EML5: variants seen among roughly 807,000 people sequenced by gnomAD.
EML5 encodes EMAP like 5.
EML5 carries 120 observed loss-of-function variants against 250.0 expected under a neutral mutation model. The ratio of observed to expected loss-of-function variants is 0.48; its 90% confidence interval spans 0.41 to 0.56. EML5 has a LOEUF of 0.56. EML5 is among the 20% of genes least tolerant of loss of function. The pLI is 0.00. For missense variants in EML5, 2,006 were observed against 2,437.6 expected, an observed-to-expected ratio of 0.82 and a Z score of 3.73; for synonymous variants, 771 against 806.5, an observed-to-expected ratio of 0.96 and a Z score of 0.75.
intron 21 of EML5, among the ~76,000 whole-genome samples, chr14:88,676,540 C>T (rs769858623): frequency 2.0e-5 from 3 of 152,152 alleles, no homozygotes; most frequent in Non-Finnish European, 4.4e-5. Flanking sequence ...GGGACACAGC[C>T]AAACTATATC....
rs1320931474 is a variant in EML5 at position 88,792,202 on chromosome 14, G to C, written c.197+105C>G. ...AGAGACAGCTGCGGATTCCCCTCGG[G>C]GTGATGCTCCGTGCAGGAGCGGTCA... On this transcript the variant is annotated intron_variant, in intron 1 of 43. Transcript: ENST00000554922. The surrounding 1 kb of genome is among the most constrained non-coding windows in gnomAD (Gnocchi z 6.9). The C allele has an allele frequency of 7.4e-7, 1 of 1,357,318 alleles. No homozygotes were observed. The highest frequency in any genetic ancestry group is 9.9e-7 in the Non-Finnish European group (1 of 1,006,398). The allele number at this position is 1,357,318 out of a possible 1,614,324, so 84.1% of individuals were successfully genotyped here. A position where few individuals can be genotyped will look rare whatever the true frequency, so the allele number is the denominator to read the frequency against.
intron 14 of EML5, among the ~76,000 whole-genome samples, chr14:88,702,100 A>T (rs2093223828): frequency 6.6e-6 from 1 of 152,134 alleles, no homozygotes; most frequent in Non-Finnish European, 1.5e-5. Context: ...TTGTTAAATA[A>T]TTTACATTTG....
At chr14:88,618,607 G>A (rs760102782) in intron 40 of EML5, 43 bp downstream of exon 40, 4 of 1,572,022 alleles carry the variant, frequency 2.5e-6, no homozygotes, top group Non-Finnish European at 3.4e-6. Flanking sequence ...AAATGTAAAA[G>A]CAGAAGAACT....
At chr14:88,684,785 A>T (rs1163088128) in intron 20 of EML5, among the ~76,000 whole-genome samples, 1 of 151,920 alleles carries the variant, frequency 6.6e-6, no homozygotes, top group East Asian at 1.9e-4. Flanking sequence ...CCAAATTAAA[A>T]TTTTTTCTGT....
At chr14:88,621,074 G>A in intron 38 of EML5, 39 bp downstream of exon 38, 1 of 1,567,924 alleles carries the variant, frequency 6.4e-7, no homozygotes, top group Non-Finnish European at 8.6e-7. Context: ...TTTCTTTTTA[G>A]AAGTTGTAAC....
intron 17 of EML5, among the ~76,000 whole-genome samples, chr14:88,689,547 ATTCC>A (rs200722411): frequency 9.9e-5 from 15 of 151,998 alleles, no homozygotes; most frequent in South Asian, 4.2e-4. Flanking sequence ...GGACTCACAA[ATTCC>A]TTCCTTCCTT....
chr14:88,695,745 TAAA>T (rs1206225873), intron 15 of EML5, among the ~76,000 whole-genome samples: 1 of 151,842 alleles, frequency 6.6e-6, no homozygotes, highest in African/African-American at 2.4e-5. Context: ...AAAAGAGATT[TAAA>T]AAATAGAAGG....
chr14:88,789,056 G>T (rs1277482712), intron 1 of EML5, among the ~76,000 whole-genome samples: 1 of 151,528 alleles, frequency 6.6e-6, no homozygotes. Context: ...CAGAGCAAGG[G>T]CCTGTCTCAG....
At chr14:88,768,783 T>C (rs1000812622) in intron 1 of EML5, among the ~76,000 whole-genome samples, 1 of 152,232 alleles carries the variant, frequency 6.6e-6, no homozygotes, top group Non-Finnish European at 1.5e-5. Flanking sequence ...AAGGAAGTTA[T>C]CTTTTCTATT....
chr14:88,759,698 A>AAAAAAAAAAAAC (rs758968634), intron 1 of EML5, among the ~76,000 whole-genome samples: 69 of 142,190 alleles, frequency 4.9e-4, no homozygotes, highest in African/African-American at 7.8e-4. Flanking sequence ...AAAAAAAAAA[A>AAAAAAAAAAAAC]AAAAAACTGG....
chr14:88,662,482 C>T (rs546887239), intron 24 of EML5, among the ~76,000 whole-genome samples: 47 of 150,036 alleles, frequency 3.1e-4, no homozygotes, highest in African/African-American at 1.1e-3. Context: ...TGCTATTTCA[C>T]GCTTCTTGTC....
At chr14:88,694,066 C>T (rs538889684) in intron 17 of EML5, among the ~76,000 whole-genome samples, 28 of 151,878 alleles carry the variant, frequency 1.8e-4, no homozygotes, top group African/African-American at 6.3e-4. Context: ...AGTCACTGTG[C>T]CCAGCCAATG....
chr14:88,628,233 G>A (rs1033419386), intron 33 of EML5, among the ~76,000 whole-genome samples: 2 of 152,086 alleles, frequency 1.3e-5, no homozygotes, highest in Non-Finnish European at 1.5e-5. Flanking sequence ...GATGTTATCT[G>A]AAAGAGAAGT....
intron 8 of EML5, among the ~76,000 whole-genome samples, chr14:88,725,414 A>G (rs1273887079): frequency 2.0e-5 from 3 of 152,332 alleles, no homozygotes; most frequent in Admixed American, 6.5e-5. Flanking sequence ...AACATAATGT[A>G]TCTGTTCATA....
chr14:88,792,331 C>G lies in EML5; in HGVS notation c.173G>C (p.Arg58Pro). Residue 58 changes from arginine to proline, a missense_variant, in exon 1 of 44, where the codon CGG (arginine) becomes CCG (proline). Arg to Pro is a moderately radical substitution (Grantham distance 103, BLOSUM62 -2). Transcript: ENST00000554922. This position sits in a 1 kb window ranked among gnomAD's most constrained non-coding sequence, Gnocchi z 6.9. ...SPREHRQKFYRGHSDDIISLA... is the reference protein window; with the variant it reads ...SPREHRQKFYPGHSDDIISLA... ...CCTGATGATGTCGTCGCTGTGGCCC[C>G]GGTAGAACTTCTGCCTGTGCTCCCG... 6.4e-7 allele frequency: 1 copy of G among 1,563,780 alleles called. No individual in the cohort carries two copies.
chr14:88,782,515 C>T (rs2094507637), intron 1 of EML5, among the ~76,000 whole-genome samples: 2 of 152,156 alleles, frequency 1.3e-5, no homozygotes, highest in Admixed American at 1.3e-4. Flanking sequence ...TTGCGGCAGC[C>T]CCTCCCATCA....
intron 1 of EML5, among the ~76,000 whole-genome samples, chr14:88,755,861 T>G (rs1305722421): frequency 1.3e-5 from 2 of 151,962 alleles, no homozygotes; most frequent in African/African-American, 4.8e-5. Context: ...GAGCCAGACA[T>G]AGCAGCATAC....
At chr14:88,622,533 G>A (rs2089190783) in intron 37 of EML5, 71 bp downstream of exon 37, 1 of 1,221,350 alleles carries the variant, frequency 8.2e-7, no homozygotes, top group Non-Finnish European at 1.1e-6. Flanking sequence ...AGGCTGCAAA[G>A]GGTGAGGGAA....
At chr14:88,731,674 C>G (rs903382963) in intron 7 of EML5, among the ~76,000 whole-genome samples, 4 of 152,350 alleles carry the variant, frequency 2.6e-5, no homozygotes, top group Admixed American at 2.6e-4. Context: ...AACCAGTTTA[C>G]AGTTCCACCA....
Sources: gnomAD v4.1 joint callset for allele counts (sites outside exome capture counted in the v4.1 genomes callset) on GRCh38, gnomAD v4.1.1 for gene constraint, Gnocchi (gnomAD v3.1) non-coding constraint, MANE v1.5 for transcripts, NCBI Gene and HGNC (gene_info 2026-07-23, HGNC 2026-07-21) for gene names.